TRIM2: variants seen among roughly 807,000 people sequenced by gnomAD.
TRIM2 encodes tripartite motif containing 2.
A neutral mutation model predicts 75.2 loss-of-function variants in TRIM2; 20 were observed. The observed-to-expected ratio is 0.27, with a 90% CI of 0.19 to 0.39. The LOEUF (loss-of-function observed/expected upper bound fraction) is 0.39. Among genes scored for constraint, TRIM2 ranks in the 10% least tolerant of loss-of-function variants. The pLI is 1.00. For missense variants in TRIM2, 660 were observed against 990.8 expected (o/e 0.67, Z 4.48); for synonymous variants, 373 against 388.3 (o/e 0.96, Z 0.46).
At chr4:153,294,575 T>A in intron 5 of TRIM2, 90 bp downstream of exon 5, 1 of 1,345,282 alleles carries the variant, frequency 7.4e-7, no homozygotes, top group Non-Finnish European at 1.0e-6. Flanking sequence ...AAGGGGTCCT[T>A]AAGTGTCATC....
chr4:153,240,236 G>A (rs1029177345), intron 1 of TRIM2, among the ~76,000 whole-genome samples: 3 of 152,072 alleles, frequency 2.0e-5, no homozygotes, highest in East Asian at 1.9e-4. Flanking sequence ...AAAGATTATC[G>A]CTGCCAAACT....
intron 1 of TRIM2, among the ~76,000 whole-genome samples, chr4:153,189,100 C>T (rs187769775): frequency 1.5e-4 from 23 of 152,304 alleles, no homozygotes; most frequent in African/African-American, 5.3e-4. Flanking sequence ...ACTCTCCCAC[C>T]TCAGCCTCCC....
chr4:153,270,556 A>C, intron 2 of TRIM2, 37 bp downstream of exon 2: 2 of 1,555,098 alleles, frequency 1.3e-6, no homozygotes, highest in Non-Finnish European at 1.7e-6. Flanking sequence ...GGAGTTTCGC[A>C]GGCTGACCTC....
intron 1 of TRIM2, among the ~76,000 whole-genome samples, chr4:153,238,992 A>G (rs1337172958): frequency 6.6e-6 from 1 of 152,218 alleles, no homozygotes; most frequent in Non-Finnish European, 1.5e-5. Context: ...GATTAGGGTT[A>G]GATAAGATCA....
intron 11 of TRIM2, among the ~76,000 whole-genome samples, chr4:153,333,898 G>C (rs947659189): frequency 6.6e-6 from 1 of 152,152 alleles, no homozygotes; most frequent in Non-Finnish European, 1.5e-5. Context: ...AAGGACTTGA[G>C]AATCTGAAGA....
At chr4:153,183,354 A>G (rs1346913613) in intron 1 of TRIM2, among the ~76,000 whole-genome samples, 1 of 152,210 alleles carries the variant, frequency 6.6e-6, no homozygotes, top group African/African-American at 2.4e-5. Flanking sequence ...CCTTGAAGGC[A>G]TGTATTGTGA....
chr4:153,153,475 G>A (rs1029179339), intron 1 of TRIM2, among the ~76,000 whole-genome samples: 3 of 152,308 alleles, frequency 2.0e-5, no homozygotes, highest in African/African-American at 7.2e-5. Flanking sequence ...GGCTGCAGAC[G>A]GGGGCGTTGA....
At chr4:153,317,604 C>T (rs536122169) in intron 8 of TRIM2, among the ~76,000 whole-genome samples, 1 of 149,442 alleles carries the variant, frequency 6.7e-6, no homozygotes, top group Non-Finnish European at 1.5e-5. Flanking sequence ...GAGCCAAGAT[C>T]GTGCCACTGC....
chr4:153,279,303 A>G (rs1313071576), intron 3 of TRIM2, among the ~76,000 whole-genome samples: 1 of 152,228 alleles, frequency 6.6e-6, no homozygotes, highest in Non-Finnish European at 1.5e-5. Flanking sequence ...TGAGAACTTC[A>G]GCAACTAAAA....
intron 1 of TRIM2, among the ~76,000 whole-genome samples, chr4:153,244,319 C>CTCT (rs1311888983): frequency 0.01 from 220 of 21,116 alleles, 25 homozygotes; most frequent in East Asian, 0.035. Flanking sequence ...CCTCCTCCTC[C>CTCT]TCTTCTTCTT....
chr4:153,283,788 C>T (rs1171275963), intron 3 of TRIM2, among the ~76,000 whole-genome samples: 1 of 151,608 alleles, frequency 6.6e-6, no homozygotes, highest in Non-Finnish European at 1.5e-5. Flanking sequence ...AGGTGCATGC[C>T]ACCACGCCCC....
At chr4:153,261,402 G>C (rs1753551736) in intron 1 of TRIM2, among the ~76,000 whole-genome samples, 1 of 152,078 alleles carries the variant, frequency 6.6e-6, no homozygotes, top group Non-Finnish European at 1.5e-5. Flanking sequence ...CAGCCTGGGA[G>C]ACAGAGGGAG....
intron 3 of TRIM2, among the ~76,000 whole-genome samples, chr4:153,287,052 C>T (rs974467423): frequency 6.6e-6 from 1 of 151,880 alleles, no homozygotes; most frequent in African/African-American, 2.4e-5. Flanking sequence ...GATCATAGCT[C>T]ACTGCAGCCT....
intron 1 of TRIM2, among the ~76,000 whole-genome samples, chr4:153,171,932 A>T (rs1419074581): frequency 6.9e-6 from 1 of 145,800 alleles, no homozygotes; most frequent in Non-Finnish European, 1.5e-5. Flanking sequence ...AAGGGTTTTT[A>T]AAAAGTAACC....
Position 153,292,978 on chromosome 4 carries a change from A to G in TRIM2, c.454-4A>G, listed in dbSNP as rs1344398250. 1.9e-6 allele frequency: 3 copies of G among 1,604,798 alleles called. No individual in the cohort carries two copies. The highest frequency in any genetic ancestry group is 2.6e-6 in the Non-Finnish European group (3 of 1,174,234). On this transcript the variant is annotated splice_region_variant and splice_polypyrimidine_tract_variant and intron_variant, in intron 3 of 11. Transcript: ENST00000338700. Reference sequence around the variant, plus strand: ...ACCAGGAACTTTTCTTGTGTCATCCACAGGTGATGGAATTTTACTGCCAGT... The same window carrying G: ...ACCAGGAACTTTTCTTGTGTCATCCGCAGGTGATGGAATTTTACTGCCAGT...
intron 6 of TRIM2, chr4:153,308,814 G>A (rs1765596439): frequency 4.6e-6 from 2 of 432,658 alleles, no homozygotes; most frequent in South Asian, 3.7e-5. Context: ...CCCAGATGCT[G>A]AGCTGAAAAT....
intron 1 of TRIM2, among the ~76,000 whole-genome samples, chr4:153,241,804 T>C (rs1746696615): frequency 1.3e-5 from 2 of 152,148 alleles, no homozygotes; most frequent in African/African-American, 4.8e-5. Context: ...CCAGAAACAG[T>C]ACAGAGAGAA....
chr4:153,176,091 C>T lies in TRIM2; in HGVS notation c.-49+22821C>T, dbSNP rs75384365. Among the ~76,000 whole-genome samples the T allele has an allele frequency of 5.7e-3, 862 of 151,474 alleles. 2 individuals carry two copies. The highest frequency in any genetic ancestry group is 8.2e-3 in the Non-Finnish European group (560 of 67,886). On this transcript the variant is annotated intron_variant, in intron 1 of 11. Transcript: ENST00000437508. ...ACTTTTTTTTAAGAGTAAAGGGGCA[C>T]GATATATGCACTTCACCCTAAGATG...
At chr4:153,327,836 A>G (rs1278147822) in intron 10 of TRIM2, among the ~76,000 whole-genome samples, 1 of 152,222 alleles carries the variant, frequency 6.6e-6, no homozygotes, top group Non-Finnish European at 1.5e-5. Context: ...CTACTGAGAG[A>G]TAAAAGAGTA....
Sources: gnomAD v4.1 joint callset for allele counts (sites outside exome capture counted in the v4.1 genomes callset) on GRCh38, gnomAD v4.1.1 for gene constraint, MANE v1.5 for transcripts, NCBI Gene and HGNC (gene_info 2026-07-23, HGNC 2026-07-21) for gene names.